PROKR1: variants seen among roughly 807,000 people sequenced by gnomAD.
PROKR1 encodes the protein prokineticin receptor 1, also known as G protein-coupled receptor 73.
A neutral mutation model predicts 22.8 loss-of-function variants in PROKR1; 21 were observed. The observed-to-expected ratio is 0.92, with a 90% CI of 0.65 to 1.32. PROKR1 has a LOEUF of 1.32. PROKR1 is among the 40% of genes most tolerant of loss of function. PROKR1 has a pLI of 0.00. For missense variants in PROKR1, 548 were observed against 514.2 expected (o/e 1.07, Z -0.64); for synonymous variants, 193 against 207.5 (o/e 0.93, Z 0.60).
At position 68,657,461 on chromosome 2, in the gene PROKR1, G is replaced by A. The variant is rs1338188952; in HGVS notation, c.*1885G>A. On this transcript the variant is annotated 3_prime_UTR_variant, in exon 3 of 3. Transcript: ENST00000303786. ...TGCTGGTAGACGCATAAAGGAAAGG[G>A]TGGCTGAGTCTCCGGTTAGAAGATG... 1.3e-5 allele frequency: 2 copies of A among 152,250 alleles called. No individual in the cohort carries two copies. Among genetic ancestry groups the A allele is most frequent in the African/African-American group, 2.4e-5 (1 of 41,450 alleles). 9.4% of individuals were successfully genotyped at this position (152,250 alleles called of 1,614,324 possible).
In PROKR1 at chr2:68,646,305, A is replaced by G. The variant is rs1313746321; in HGVS notation, c.484A>G (p.Arg162Gly). 4 of 1,614,226 alleles carry G rather than the reference A, an allele frequency of 2.5e-6. No homozygotes were observed. Among genetic ancestry groups the G allele is most frequent in the Non-Finnish European group, 3.4e-6 (4 of 1,180,042 alleles). Reference protein sequence around the residue: ...TNALLAIAIDRYLAIVHPLRP... With the variant: ...TNALLAIAIDGYLAIVHPLRP... Reference sequence around the variant, plus strand: ...TGCCCTGCTGGCCATCGCCATTGACAGGTGAGTGCAGCAGCAGTGGGGACA... The same window carrying G: ...TGCCCTGCTGGCCATCGCCATTGACGGGTGAGTGCAGCAGCAGTGGGGACA... Residue 162 changes from arginine (R) to glycine (G), a missense_variant and splice_region_variant, in exon 2 of 3, where the codon AGG becomes GGG. Coordinates refer to ENST00000303786, the MANE Select transcript of PROKR1 (RefSeq NM_138964.4).
At chr2:68,646,367 C>T in intron 2 of PROKR1, 61 bp downstream of exon 2, 3 of 1,595,818 alleles carry the variant, frequency 1.9e-6, no homozygotes, top group Non-Finnish European at 2.6e-6. Flanking sequence ...ATTGGAATTG[C>T]CCCCTCCTGT....
chr2:68,644,831 C>A (rs1214529415), intron 1 of PROKR1, among the ~76,000 whole-genome samples: 1 of 152,024 alleles, frequency 6.6e-6, no homozygotes, highest in African/African-American at 2.4e-5. Flanking sequence ...GCAGCTGACA[C>A]CCCCCTAGAC....
Position 68,646,354 on chromosome 2 carries a change from G to C in PROKR1, c.485+48G>C, listed in dbSNP as rs373607238. The C allele has an allele frequency of 1.1e-4, 180 of 1,610,200 alleles. 1 individual carries two copies. The Middle Eastern group carries it at 8.8e-3, about 78-fold the overall frequency. ...CAACAAAGGCGGTCAGGGAGGAAGGGGCATTGGAATTGCCCCCTCCTGTAC... is the reference window on the plus strand; with the variant it reads ...CAACAAAGGCGGTCAGGGAGGAAGGCGCATTGGAATTGCCCCCTCCTGTAC... On this transcript the variant is annotated intron_variant, in intron 2 of 2. Coordinates refer to ENST00000303786, the MANE Select transcript of PROKR1 (RefSeq NM_138964.4).
chr2:68,656,699 G>C lies in PROKR1; in HGVS notation c.*1123G>C, dbSNP rs12713656. The C allele has an allele frequency of 0.37, 56,548 of 151,996 alleles. 11,707 individuals are homozygous for C. The highest frequency in any genetic ancestry group is 0.56 in the African/African-American group (23,284 of 41,448). 9.4% of individuals were successfully genotyped at this position (151,996 alleles called of 1,614,324 possible). ...GACAGCATGGTAAGGTATCCTCATCGATATGATTTGAGGGCAAGATATCCT... is the reference window on the plus strand; with the variant it reads ...GACAGCATGGTAAGGTATCCTCATCCATATGATTTGAGGGCAAGATATCCT... On this transcript the variant is annotated 3_prime_UTR_variant, in exon 3 of 3. Transcript: ENST00000303786.
Position 68,645,719 on chromosome 2 carries a change from C to T in PROKR1, c.-103C>T, listed in dbSNP as rs1673159238. 6.6e-7 allele frequency: 1 copy of T among 1,512,136 alleles called. No homozygotes were observed. Among genetic ancestry groups the T allele is most frequent in the South Asian group, 1.1e-5 (1 of 88,268 alleles). The allele number at this position is 1,512,136 out of a possible 1,614,324, so 93.7% of individuals were successfully genotyped here. On this transcript the variant is annotated 5_prime_UTR_variant, in exon 2 of 3. Transcript: ENST00000303786. ...AGATGCTGGCAGAGACATTCTGACT[C>T]ATTAAGGGAGAGCTGGCTGATAGCA...
chr2:68,658,127 T>C lies in PROKR1; in HGVS notation c.*2551T>C, dbSNP rs538430499. ...GCCCACTCTGCTTTTCAGCCTAAAATGTATCAATTTTTCACTCAACTATCT... is the reference window on the plus strand; with the variant it reads ...GCCCACTCTGCTTTTCAGCCTAAAACGTATCAATTTTTCACTCAACTATCT... On this transcript the variant is annotated 3_prime_UTR_variant, in exon 3 of 3. Coordinates refer to ENST00000303786, the MANE Select transcript of PROKR1 (RefSeq NM_138964.4). The C allele has an allele frequency of 1.4e-4, 22 of 152,352 alleles. No individual in the cohort carries two copies. The highest frequency in any genetic ancestry group is 5.1e-4 in the African/African-American group (21 of 41,578). The allele number at this position is 152,352 out of a possible 1,614,324, so 9.4% of individuals were successfully genotyped here. A position where few individuals can be genotyped will look rare whatever the true frequency, so the allele number is the denominator to read the frequency against.
chr2:68,645,585 G>T, intron 1 of PROKR1, 77 bp from the exon 2 acceptor site: 1 of 597,232 alleles, frequency 1.7e-6, no homozygotes, highest in South Asian at 2.0e-5. Flanking sequence ...TAATAGGTCT[G>T]CTTAGGTTAC....
rs572546512 is a variant in PROKR1 at position 68,657,848 on chromosome 2, C to T, written c.*2272C>T. On this transcript the variant is annotated 3_prime_UTR_variant, in exon 3 of 3. Transcript: ENST00000303786. ...CCCATTTATCACCCAGTAGACTTACCCTACAATTTAATCAGAATGCTCTTG... is the reference window on the plus strand; with the variant it reads ...CCCATTTATCACCCAGTAGACTTACTCTACAATTTAATCAGAATGCTCTTG... 9 of 152,022 alleles carry T rather than the reference C, an allele frequency of 5.9e-5. No homozygotes were observed. Among genetic ancestry groups the T allele is most frequent in the Admixed American group, 1.3e-4 (2 of 15,264 alleles). 9.4% of individuals were successfully genotyped at this position (152,022 alleles called of 1,614,324 possible).
At position 68,645,955 on chromosome 2, in the gene PROKR1, CT is replaced by C; in HGVS notation, c.137del (p.Leu46TrpfsTer7). ...FNFSYSDYDM[P>X]LDEDEDVTNS... is the part of the protein sequence containing the mutation. ...TTCAGCTACAGCGACTATGATATGC[CT>C]TTGGATGAAGATGAGGATGTGACCA... is the stretch of plus-strand genomic sequence containing the variant. On this transcript the variant is annotated frameshift_variant, in exon 2 of 3. Transcript: ENST00000303786. LOFTEE classifies it high-confidence loss of function. 1 of 1,614,222 alleles carries C rather than the reference CT, an allele frequency of 6.2e-7. No homozygotes were observed. Among genetic ancestry groups the C allele is most frequent in the East Asian group, 2.2e-5 (1 of 44,884 alleles).
intron 2 of PROKR1, among the ~76,000 whole-genome samples, chr2:68,654,614 G>A (rs1673399253): frequency 1.3e-5 from 2 of 151,998 alleles, no homozygotes; most frequent in South Asian, 2.1e-4. Context: ...GGCAGCATAC[G>A]GAGACTCTAC....
At chr2:68,651,787 C>G (rs1673337281) in intron 2 of PROKR1, among the ~76,000 whole-genome samples, 1 of 152,220 alleles carries the variant, frequency 6.6e-6, no homozygotes, top group Admixed American at 6.5e-5. Context: ...ATTATTATCA[C>G]AGTTATTGCC....
chr2:68,652,216 C>T (rs554385092), intron 2 of PROKR1, among the ~76,000 whole-genome samples: 1 of 152,222 alleles, frequency 6.6e-6, no homozygotes, highest in East Asian at 1.9e-4. Flanking sequence ...ATAGAGTGGA[C>T]ATTGTCACTG....
chr2:68,653,734 G>A (rs1267917720), intron 2 of PROKR1, among the ~76,000 whole-genome samples: 29 of 152,048 alleles, frequency 1.9e-4, no homozygotes, highest in Non-Finnish European at 7.4e-5. Context: ...GTTCTCTCTC[G>A]GAAAGAGGCT....
intron 2 of PROKR1, among the ~76,000 whole-genome samples, chr2:68,648,799 G>C (rs1673244776): frequency 6.6e-6 from 1 of 152,196 alleles, no homozygotes; most frequent in Admixed American, 6.5e-5. Flanking sequence ...CTGTAGCCAT[G>C]TTGGCAGTTA....
Position 68,646,203 on chromosome 2 carries a change from C to T in PROKR1, c.382C>T (p.Leu128Phe), listed in dbSNP as rs1200430419. The T allele has an allele frequency of 1.9e-6, 3 of 1,610,640 alleles. No individual in the cohort carries two copies. The highest frequency in any genetic ancestry group is 3.3e-5 in the Admixed American group (2 of 59,900). Residue 128 changes from leucine to phenylalanine, a missense_variant, in exon 2 of 3, where the codon CTC becomes TTC. Transcript: ENST00000303786. Reference protein sequence around the residue: ...FEMDYYVVRQLSWEHGHVLCT... With the variant: ...FEMDYYVVRQFSWEHGHVLCT... ...GATGGACTACTATGTGGTGCGCCAG[C>T]TCTCCTGGGAGCACGGCCACGTCCT...
At chr2:68,649,875 G>A (rs1673274212) in intron 2 of PROKR1, among the ~76,000 whole-genome samples, 1 of 152,146 alleles carries the variant, frequency 6.6e-6, no homozygotes, top group South Asian at 2.1e-4. Context: ...GAGGAACAGA[G>A]AGAAGCCTCC....
rs768155147 is a variant in PROKR1, at chr2:68,655,026, G to C, written c.632G>C (p.Ser211Thr). The C allele has an allele frequency of 1.2e-6, 2 of 1,613,532 alleles. No homozygotes were observed. Among genetic ancestry groups the C allele is most frequent in the Admixed American group, 3.3e-5 (2 of 59,968 alleles). Residue 211 changes from serine to threonine, a missense_variant, in exon 3 of 3, where the codon AGC (serine) becomes ACC (threonine). Physicochemically the swap from Ser to Thr is moderately conservative, Grantham distance 58. Coordinates refer to ENST00000303786, the MANE Select transcript of PROKR1 (RefSeq NM_138964.4). ...GAGACGGTCCTCGTCATTGTCAAGA[G>C]CCAGGAAAAGATCTTCTGCGGCCAG... ...TTETVLVIVK[S>T]QEKIFCGQIW...
In PROKR1 at chr2:68,655,397, A is replaced by C. The variant is rs778157368; in HGVS notation, c.1003A>C (p.Ser335Arg). 2.5e-6 allele frequency: 4 copies of C among 1,614,202 alleles called. No individual in the cohort carries two copies. In the South Asian group the frequency reaches 4.4e-5, roughly 18 times the overall value. Residue 335 changes from serine (S) to arginine (R), a missense_variant, in exon 3 of 3, where the codon AGC becomes CGC. By Grantham distance (110) the Ser-to-Arg change is moderately radical. Transcript: ENST00000303786. Reference sequence around the variant, plus strand: ...CGTCGAGTGCATCGCCATGAGCAACAGCATGATCAACACTCTGTGCTTCGT... The same window carrying C: ...CGTCGAGTGCATCGCCATGAGCAACCGCATGATCAACACTCTGTGCTTCGT... ...YIVECIAMSN[S>R]MINTLCFVTV...
Sources: gnomAD v4.1 joint callset for allele counts (sites outside exome capture counted in the v4.1 genomes callset) on GRCh38, gnomAD v4.1.1 for gene constraint, MANE v1.5 for transcripts, NCBI Gene and HGNC (gene_info 2026-07-23, HGNC 2026-07-21) for gene names.